The following CPM variants were observed in gnomAD, a reference collection of about 807,000 sequenced individuals.
The protein encoded by CPM is renal carboxypeptidase.
A neutral mutation model predicts 46.4 loss-of-function variants in CPM; 35 were observed. The ratio of observed to expected loss-of-function variants is 0.75; its 90% confidence interval spans 0.58 to 1.00. CPM has a LOEUF of 1.00. CPM is among the 50% of genes least tolerant of loss of function. CPM has a pLI of 0.00. For synonymous variants in CPM, 195 were observed against 195.3 expected (o/e 1.00, Z 0.01); for missense variants, 422 against 530.4 (o/e 0.80, Z 2.01).
intron 1 of CPM, among the ~76,000 whole-genome samples, chr12:68,945,832 T>C (rs1273597499): frequency 2.7e-5 from 4 of 150,620 alleles, no homozygotes; most frequent in South Asian, 4.2e-4. Flanking sequence ...TTTTTTCTTT[T>C]CTTTTCTTTC....
intron 1 of CPM, among the ~76,000 whole-genome samples, chr12:68,943,300 T>G (rs1888793456): frequency 6.6e-6 from 1 of 152,172 alleles, no homozygotes; most frequent in Non-Finnish European, 1.5e-5. Flanking sequence ...CAGGGTTGCA[T>G]ATATTAAATG....
intron 2 of CPM, among the ~76,000 whole-genome samples, chr12:68,912,298 C>A (rs1212213533): frequency 6.6e-6 from 1 of 152,174 alleles, no homozygotes; most frequent in Non-Finnish European, 1.5e-5. Flanking sequence ...AGCCACCATG[C>A]CTGCCTGTAT....
intron 1 of CPM, chr12:68,957,698 T>A (rs905167841): frequency 6.6e-6 from 1 of 152,528 alleles, no homozygotes; most frequent in Non-Finnish European, 1.5e-5. Flanking sequence ...GGATTATTAT[T>A]ATTATTATTA....
chr12:68,843,086 T>TCA (rs1180558644), intron 5 of CPM: 1 of 223,224 alleles, frequency 4.5e-6, no homozygotes, highest in African/African-American at 2.2e-5. Flanking sequence ...TGCAATTTGT[T>TCA]GTGTGGGTTT....
chr12:68,853,930 A>C lies in CPM; in HGVS notation c.*2507T>G, dbSNP rs1055370206. ...TTTCTGTTTAGTGCTTTACCCCTTAATTCTTATAGGTAACGGTCTAATACA... is the reference window on the plus strand; with the variant it reads ...TTTCTGTTTAGTGCTTTACCCCTTACTTCTTATAGGTAACGGTCTAATACA... On this transcript the variant is annotated 3_prime_UTR_variant, in exon 9 of 9. Transcript: ENST00000551568. The C allele has an allele frequency of 2.6e-5, 4 of 151,978 alleles. No homozygotes were observed. The highest frequency in any genetic ancestry group is 2.6e-4 in the Admixed American group (4 of 15,244). 9.4% of individuals were successfully genotyped at this position (151,978 alleles called of 1,614,324 possible).
At chr12:68,941,169 ACG>A (rs1888753789) in intron 1 of CPM, among the ~76,000 whole-genome samples, 1 of 95,610 alleles carries the variant, frequency 1.0e-5, no homozygotes, top group African/African-American at 5.7e-5. Context: ...TGTGCTGAGT[ACG>A]TGTGTGTGTG....
At chr12:68,906,676 G>A (rs1183473341) in intron 2 of CPM, among the ~76,000 whole-genome samples, 1 of 152,094 alleles carries the variant, frequency 6.6e-6, no homozygotes, top group Non-Finnish European at 1.5e-5. Flanking sequence ...ATTTTTAGTA[G>A]AGACGGGTTT....
intron 1 of CPM, among the ~76,000 whole-genome samples, chr12:68,944,154 T>C (rs973422666): frequency 2.0e-5 from 3 of 152,204 alleles, no homozygotes; most frequent in African/African-American, 7.2e-5. Flanking sequence ...AACAAATTCT[T>C]TTGTCTCCTC....
In CPM at chr12:68,927,991, G is replaced by T. The variant is rs556740599; in HGVS notation, c.160+4687C>A. ...ATGCCATCCCCATCAAGCCACCAATGACTTTCTTCACAGAATTGGAAAAAA... is the reference window on the plus strand; with the variant it reads ...ATGCCATCCCCATCAAGCCACCAATTACTTTCTTCACAGAATTGGAAAAAA... On this transcript the variant is annotated intron_variant, in intron 2 of 8. Coordinates refer to ENST00000551568, the MANE Select transcript of CPM (RefSeq NM_198320.5). Among the ~76,000 whole-genome samples the T allele has an allele frequency of 1.7e-3, 254 of 152,204 alleles. 3 individuals are homozygous for T. Among genetic ancestry groups the T allele is most frequent in the Admixed American group, 2.1e-3 (32 of 15,286 alleles).
intron 2 of CPM, among the ~76,000 whole-genome samples, chr12:68,896,179 A>G (rs1592671832): frequency 1.3e-5 from 2 of 152,110 alleles, no homozygotes; most frequent in Admixed American, 6.5e-5. Context: ...GATAGTCCTT[A>G]GCCCACCCCA....
chr12:68,859,166 T>G (rs1885104660), intron 7 of CPM, 95 bp from the exon 8 acceptor site: 1 of 649,092 alleles, frequency 1.5e-6, no homozygotes, highest in Admixed American at 4.3e-5. Flanking sequence ...CAATATTTAT[T>G]AGCTAACTCA....
At position 68,892,554 on chromosome 12, in the gene CPM, T is replaced by C. The variant is rs73340417; in HGVS notation, c.161-6665A>G. Among the ~76,000 whole-genome samples the C allele has an allele frequency of 5.7e-3, 873 of 152,138 alleles. 6 individuals carry two copies. The highest frequency in any genetic ancestry group is 0.02 in the African/African-American group (813 of 41,514). On this transcript the variant is annotated intron_variant, in intron 2 of 8. Coordinates refer to ENST00000551568, the MANE Select transcript of CPM (RefSeq NM_198320.5). Reference sequence around the variant, plus strand: ...CTCAGTTTGAATGCTAGTCAGCAAATAGGCTAAGAAAGTAGGGTAGGTAGG... The same window carrying C: ...CTCAGTTTGAATGCTAGTCAGCAAACAGGCTAAGAAAGTAGGGTAGGTAGG...
chr12:68,954,404 G>A lies in CPM; in HGVS notation c.-4+8765C>T, dbSNP rs563588786. Among the ~76,000 whole-genome samples the A allele has an allele frequency of 5.9e-5, 9 of 152,110 alleles. 1 individual carries two copies. In the South Asian group the frequency reaches 1.2e-3, roughly 21 times the overall value. On this transcript the variant is annotated intron_variant, in intron 1 of 8. Coordinates refer to the CPM transcript ENST00000546373. The stretch of plus-strand genomic sequence containing the variant: ...CTGCGGCAGCCTCTCATCAGTACTG[G>A]GCATAGTTTACACTCCCTCTCCTTG...
chr12:68,962,548 G>T (rs1030102195), intron 1 of CPM, among the ~76,000 whole-genome samples: 11 of 152,044 alleles, frequency 7.2e-5, no homozygotes, highest in African/African-American at 2.7e-4. Flanking sequence ...CTTTTCATCC[G>T]CCTTTCTTGT....
chr12:68,940,391 A>G (rs1565807361), intron 1 of CPM, among the ~76,000 whole-genome samples: 4 of 151,524 alleles, frequency 2.6e-5, no homozygotes, highest in Non-Finnish European at 5.9e-5. Flanking sequence ...TTACAGTATC[A>G]TACAGAATAA....
chr12:68,861,574 GC>G (rs1885215914), intron 7 of CPM, among the ~76,000 whole-genome samples: 1 of 148,592 alleles, frequency 6.7e-6, no homozygotes, highest in South Asian at 2.1e-4. Context: ...TGCTGTTGTT[GC>G]CCAGGCTGCA....
At chr12:68,909,636 C>G (rs1230071000) in intron 2 of CPM, among the ~76,000 whole-genome samples, 2 of 152,072 alleles carry the variant, frequency 1.3e-5, no homozygotes, top group Non-Finnish European at 2.9e-5. Flanking sequence ...CACATATACA[C>G]CATGGAATAC....
intron 2 of CPM, among the ~76,000 whole-genome samples, chr12:68,913,503 T>C (rs1887683575): frequency 1.3e-5 from 2 of 152,310 alleles, no homozygotes; most frequent in South Asian, 2.1e-4. Context: ...TGGCTTGATA[T>C]ATAGAATATA....
intron 6 of CPM, among the ~76,000 whole-genome samples, chr12:68,868,573 C>T (rs747075112): frequency 3.9e-5 from 6 of 152,096 alleles, no homozygotes; most frequent in Non-Finnish European, 8.8e-5. Flanking sequence ...CCTCCTACCC[C>T]GGGTTTCTGT....
Sources: gnomAD v4.1 joint callset for allele counts (sites outside exome capture counted in the v4.1 genomes callset) on GRCh38, gnomAD v4.1.1 for gene constraint, MANE v1.5 for transcripts, NCBI Gene and HGNC (gene_info 2026-07-23, HGNC 2026-07-21) for gene names.